Variants in TIPARP observed in about 807,000 individuals in gnomAD.
TIPARP encodes the protein TCDD inducible poly(ADP-ribose) polymerase, also known as protein mono-ADP-ribosyltransferase TIPARP.
A neutral mutation model predicts 56.5 loss-of-function variants in TIPARP; 12 were observed. That is an observed-to-expected ratio of 0.21 (90% CI 0.14 to 0.34). TIPARP has a LOEUF of 0.34. TIPARP is among the 10% of genes least tolerant of loss of function. The probability of loss-of-function intolerance (pLI) is 1.00; values close to 1 mark genes in which losing one functional copy is unlikely to be tolerated. For synonymous variants in TIPARP, 296 were observed against 265.7 expected (o/e 1.11, Z -1.11); for missense variants, 604 against 781.6 (o/e 0.77, Z 2.71).
intron 2 of TIPARP, among the ~76,000 whole-genome samples, chr3:156,681,639 A>T (rs1468707384): frequency 7.2e-5 from 11 of 152,188 alleles, no homozygotes; most frequent in Admixed American, 7.2e-4. Context: ...AATTCACAGG[A>T]CCTTTCCAAC....
Position 156,678,460 on chromosome 3 carries a change from A to G in TIPARP, c.763A>G (p.Arg255Gly), listed in dbSNP as rs758666395. 1.2e-6 allele frequency: 2 copies of G among 1,614,224 alleles called. No individual in the cohort carries two copies. Among genetic ancestry groups the G allele is most frequent in the South Asian group, 2.2e-5 (2 of 91,082 alleles). The change falls in exon 2 of 6, where the codon AGG becomes GGG. Residue 255 changes from arginine to glycine, a missense_variant. Arg to Gly is a moderately radical substitution (Grantham distance 125). Transcript: ENST00000295924. ...TCTGCAAGGCACTTGTATTTATGGC[A>G]GGGATTGTTTGAAGCACCACACTGT... ...DFLQGTCIYG[R>G]DCLKHHTVLP...
At chr3:156,681,899 T>A (rs949868111) in intron 2 of TIPARP, among the ~76,000 whole-genome samples, 1 of 152,008 alleles carries the variant, frequency 6.6e-6, no homozygotes, top group African/African-American at 2.4e-5. Flanking sequence ...ATTCCAAATA[T>A]ACAGTTGAGA....
Position 156,695,845 on chromosome 3 carries a change from T to TTTTTTTTTTTTTTCTTCC in TIPARP, c.1087-19_1087-18insTTTTTTTTTTTTCTTCCT. 1 of 1,438,718 alleles carries TTTTTTTTTTTTTTCTTCC rather than the reference T, an allele frequency of 7.0e-7. No individual in the cohort carries two copies. 89.1% of individuals were successfully genotyped at this position (1,438,718 alleles called of 1,614,324 possible). On this transcript the variant is annotated intron_variant, in intron 3 of 5. Transcript: ENST00000295924. ...ACTTTCCTTTTTTTTTTTTTTTTTGTTCTGTTTTCTCCTCCATAGTCTGTC... is the reference window on the plus strand; with the variant it reads ...ACTTTCCTTTTTTTTTTTTTTTTTGTTTTTTTTTTTTTTCTTCCTCTGTTTTCTCCTCCATAGTCTGTC...
intron 4 of TIPARP, among the ~76,000 whole-genome samples, chr3:156,700,686 C>T (rs1722825296): frequency 6.6e-6 from 1 of 152,176 alleles, no homozygotes; most frequent in South Asian, 2.1e-4. Flanking sequence ...CATGCAGTCA[C>T]CTCATGGTCA....
chr3:156,696,003 T>A lies in TIPARP; in HGVS notation c.1225T>A (p.Phe409Ile), dbSNP rs1435577851. The A allele has an allele frequency of 1.2e-6, 2 of 1,608,930 alleles. No individual in the cohort carries two copies. The highest frequency in any genetic ancestry group is 1.7e-6 in the Non-Finnish European group (2 of 1,178,594). The change falls in exon 4 of 6, where the codon TTT becomes ATT. Residue 409 changes from phenylalanine to isoleucine, a missense_variant. Around this residue, in one of 4 missense-constraint regions of TIPARP, gnomAD observed 252 missense variants for 303.9 expected, o/e 0.83. Transcript: ENST00000295924. The part of the protein sequence containing the change: ...IKRRPLFRSC[F>I]ILLPYLQTLG... ...AAGGAGACCCCTCTTCCGCTCCTGT[T>A]TTATACTGCTTCCATATTTACAGTA...
Position 156,703,518 on chromosome 3 carries a change from T to G in TIPARP, c.1342T>G (p.Phe448Val). The change falls in exon 5 of 6, where the codon TTT (phenylalanine) becomes GTT (valine). Residue 448 changes from phenylalanine to valine, a missense_variant. By Grantham distance (50) the Phe-to-Val change is conservative. Coordinates refer to ENST00000295924, the MANE Select transcript of TIPARP (RefSeq NM_015508.5). The stretch of plus-strand genomic sequence containing the variant: ...CCCAGATGGGGTCACTTCAGCAAAC[T>G]TTTACCCTGAAACTTGGGTTTATAT... ...ICPDGVTSAN[F>V]YPETWVYMHP... The G allele has an allele frequency of 6.2e-7, 1 of 1,614,212 alleles. No homozygotes were observed. The highest frequency in any genetic ancestry group is 8.5e-7 in the Non-Finnish European group (1 of 1,180,038).
Position 156,705,278 on chromosome 3 carries a change from T to G in TIPARP, c.*147T>G. ...TTTTTTAAAGTGCTAGAAAATGCTT[T>G]TTTTAAAAAAAAAATACAAGTTTTA... On this transcript the variant is annotated 3_prime_UTR_variant, in exon 6 of 6. Coordinates refer to ENST00000295924, the MANE Select transcript of TIPARP (RefSeq NM_015508.5). 1 of 546,732 alleles carries G rather than the reference T, an allele frequency of 1.8e-6. No homozygotes were observed. The highest frequency in any genetic ancestry group is 2.5e-5 in the South Asian group (1 of 40,736). 33.9% of individuals were successfully genotyped at this position (546,732 alleles called of 1,614,324 possible).
At chr3:156,688,688 A>G (rs1722495053) in intron 2 of TIPARP, among the ~76,000 whole-genome samples, 1 of 152,180 alleles carries the variant, frequency 6.6e-6, no homozygotes, top group South Asian at 2.1e-4. Flanking sequence ...ACCTTGTAAC[A>G]CATTTGAAGG....
In TIPARP at chr3:156,677,653, G is replaced by T. The variant is rs150980586; in HGVS notation, c.-41-4G>T. The T allele has an allele frequency of 3.5e-5, 52 of 1,492,288 alleles. No homozygotes were observed. Among genetic ancestry groups the T allele is most frequent in the Non-Finnish European group, 4.2e-5 (47 of 1,118,162 alleles). The allele number at this position is 1,492,288 out of a possible 1,614,324, so 92.4% of individuals were successfully genotyped here. ...AATGATCATCTTCCTTCCTTTCCTC[G>T]TAGGATTTTTAGACTCTGAGGAGCA... On this transcript the variant is annotated splice_region_variant and splice_polypyrimidine_tract_variant and intron_variant, in intron 1 of 5. Transcript: ENST00000295924.
chr3:156,683,282 C>G (rs1038825843), intron 2 of TIPARP, among the ~76,000 whole-genome samples: 3 of 152,014 alleles, frequency 2.0e-5, no homozygotes, highest in Admixed American at 6.6e-5. Flanking sequence ...ATCCAAAGCT[C>G]TTACTTTTTA....
At chr3:156,681,139 C>A (rs141533224) in intron 2 of TIPARP, 1 of 456,518 alleles carries the variant, frequency 2.2e-6, no homozygotes, top group Non-Finnish European at 4.4e-6. Context: ...ATGCAGATAA[C>A]GGCATGTTGA....
chr3:156,695,994 C>T lies in TIPARP; in HGVS notation c.1216C>T (p.Arg406Cys), dbSNP rs17854621. Residue 406 changes from arginine (R) to cysteine (C), a missense_variant, in exon 4 of 6, where the codon CGC becomes TGC. By Grantham distance (180) the Arg-to-Cys change is radical. This residue lies in a region of TIPARP where 252 missense variants were observed against 303.9 expected (regional missense o/e 0.83). Coordinates refer to ENST00000295924, the MANE Select transcript of TIPARP (RefSeq NM_015508.5). ...RREIKRRPLF[R>C]SCFILLPYLQ... ...AGAGATAAAAAGGAGACCCCTCTTC[C>T]GCTCCTGTTTTATACTGCTTCCATA... The T allele has an allele frequency of 5.0e-6, 8 of 1,610,908 alleles. No individual in the cohort carries two copies. Among genetic ancestry groups the T allele is most frequent in the South Asian group, 2.2e-5 (2 of 90,372 alleles).
intron 2 of TIPARP, among the ~76,000 whole-genome samples, chr3:156,687,135 C>T (rs1465300994): frequency 2.0e-5 from 3 of 152,148 alleles, no homozygotes; most frequent in Admixed American, 2.0e-4. Context: ...TGCCTTCTAT[C>T]CCAGCTGTTC....
At chr3:156,682,647 A>T (rs555082842) in intron 2 of TIPARP, among the ~76,000 whole-genome samples, 6 of 152,336 alleles carry the variant, frequency 3.9e-5, no homozygotes, top group African/African-American at 1.4e-4. Flanking sequence ...TAAATTAGCC[A>T]AGTTAGCTCT....
chr3:156,681,814 G>T (rs1455943831), intron 2 of TIPARP, among the ~76,000 whole-genome samples: 1 of 152,026 alleles, frequency 6.6e-6, no homozygotes, highest in African/African-American at 2.4e-5. Context: ...CTGCATACTA[G>T]TGTGTATGTA....
Position 156,694,143 on chromosome 3 carries a change from G to T in TIPARP, c.1041G>T (p.Trp347Cys). 1 of 1,613,020 alleles carries T rather than the reference G, an allele frequency of 6.2e-7. No homozygotes were observed. Among genetic ancestry groups the T allele is most frequent in the African/African-American group, 1.3e-5 (1 of 74,944 alleles). Residue 347 changes from tryptophan (W) to cysteine (C), a missense_variant, in exon 3 of 6, where the codon TGG (tryptophan) becomes TGT (cysteine). By Grantham distance (215) the Trp-to-Cys change is radical. Coordinates refer to ENST00000295924, the MANE Select transcript of TIPARP (RefSeq NM_015508.5). ...TCAACTCTATTTACCACACAGTCTG[G>T]AAATTCTTCTGTAGGGACCACTTTG... is the stretch of plus-strand genomic sequence containing the variant. Reference protein sequence around the residue: ...SNVNSIYHTVWKFFCRDHFGW... With the variant: ...SNVNSIYHTVCKFFCRDHFGW...
At chr3:156,696,659 G>A (rs1389408247) in intron 4 of TIPARP, among the ~76,000 whole-genome samples, 2 of 152,192 alleles carry the variant, frequency 1.3e-5, no homozygotes, top group African/African-American at 2.4e-5. Context: ...TCTTCCTTTG[G>A]TCTCCAGACA....
At chr3:156,677,138 G>A (rs929240014) in intron 1 of TIPARP, among the ~76,000 whole-genome samples, 3 of 152,152 alleles carry the variant, frequency 2.0e-5, no homozygotes, top group Non-Finnish European at 4.4e-5. Flanking sequence ...TGTTACTTGT[G>A]TATGTTCTTA....
intron 1 of TIPARP, among the ~76,000 whole-genome samples, chr3:156,676,277 T>C (rs1333113763): frequency 6.6e-6 from 1 of 152,242 alleles, no homozygotes; most frequent in Non-Finnish European, 1.5e-5. Context: ...TACAGTGAAC[T>C]CTCCTTTTTC....
Sources: allele counts gnomAD v4.1 joint callset (sites outside exome capture counted in the v4.1 genomes callset), GRCh38; gene constraint gnomAD v4.1.1; regional missense constraint gnomAD v4.1.1; transcripts MANE v1.5; gene names NCBI Gene and HGNC (gene_info 2026-07-23, HGNC 2026-07-21).